The following BTNL8 variants were observed in gnomAD, a reference collection of about 807,000 sequenced individuals.
BTNL8 encodes butyrophilin-like protein 8.
Under a neutral mutation model 36.1 loss-of-function variants are expected in BTNL8, and 22 were observed. The ratio of observed to expected loss-of-function variants is 0.61; its 90% CI spans 0.44 to 0.87. The LOEUF (loss-of-function observed/expected upper bound fraction) is 0.87. Ranked by LOEUF, BTNL8 falls within the 40% of genes least tolerant of loss-of-function variation. The pLI, the probability that BTNL8 is intolerant of heterozygous loss-of-function variation, is 0.00. For synonymous variants in BTNL8, 203 were observed against 235.6 expected (o/e 0.86, Z 1.27); for missense variants, 526 against 616.9 (o/e 0.85, Z 1.56).
chr5:180,922,291 T>G (rs1757901574), intron 3 of BTNL8, among the ~76,000 whole-genome samples: 1 of 152,044 alleles, frequency 6.6e-6, no homozygotes, highest in East Asian at 1.9e-4. Flanking sequence ...AATAGGTTCT[T>G]AAATTGAGAT....
chr5:180,931,268 T>A (rs1758362364), intron 3 of BTNL8, among the ~76,000 whole-genome samples: 1 of 152,144 alleles, frequency 6.6e-6, no homozygotes, highest in Non-Finnish European at 1.5e-5. Flanking sequence ...CGTGGAAAAC[T>A]GAAACTGGAC....
chr5:180,947,381 T>C, intron 3 of BTNL8, 131 bp from the exon 4 acceptor site: 1 of 1,233,550 alleles, frequency 8.1e-7, no homozygotes, highest in Non-Finnish European at 1.1e-6. Context: ...ACAATCAAAG[T>C]ATTAAGCCTA....
intron 3 of BTNL8, among the ~76,000 whole-genome samples, chr5:180,921,035 G>T (rs890889299): frequency 1.3e-5 from 2 of 152,154 alleles, no homozygotes; most frequent in African/African-American, 2.4e-5. Context: ...ATAGAACTAT[G>T]CTACATAGTC....
At chr5:180,941,117 G>GAAGGAAGGAAGA (rs1491479453) in intron 3 of BTNL8, among the ~76,000 whole-genome samples, 1 of 85,732 alleles carries the variant, frequency 1.2e-5, no homozygotes, top group Non-Finnish European at 3.0e-5. Context: ...AGGGAGGAAG[G>GAAGGAAGGAAGA]AAGGAAGGAA....
intron 1 of BTNL8, 79 bp from the exon 2 acceptor site, chr5:180,908,507 G>A: frequency 7.2e-7 from 1 of 1,393,142 alleles, no homozygotes. Flanking sequence ...GACCGGAGCT[G>A]TTCCTATTCG....
intron 1 of BTNL8, among the ~76,000 whole-genome samples, chr5:180,907,830 C>CG (rs886228094): frequency 6.6e-6 from 1 of 150,980 alleles, no homozygotes; most frequent in Non-Finnish European, 1.5e-5. Flanking sequence ...TTAGGCTGCT[C>CG]GGGGGTCAGG....
intron 1 of BTNL8, among the ~76,000 whole-genome samples, chr5:180,908,054 G>T (rs113672894): frequency 4.6e-5 from 7 of 151,764 alleles, no homozygotes; most frequent in African/African-American, 1.7e-4. Flanking sequence ...CACCCAGTTG[G>T]AGCTGCTTTG....
chr5:180,914,163 G>T (rs965720759), intron 3 of BTNL8, among the ~76,000 whole-genome samples: 9 of 152,168 alleles, frequency 5.9e-5, no homozygotes, highest in African/African-American at 2.2e-4. Context: ...CTTTTTAGGA[G>T]GTGATTAAGT....
At chr5:180,920,606 A>G (rs887373691) in intron 3 of BTNL8, among the ~76,000 whole-genome samples, 28 of 152,120 alleles carry the variant, frequency 1.8e-4, no homozygotes, top group Non-Finnish European at 3.7e-4. Context: ...ATTACATCAA[A>G]CTAAAAAGCT....
At chr5:180,941,914 T>TTTTTTTTTTTTTTTTTTTTTTTTTTGAG (rs1281454934) in intron 3 of BTNL8, among the ~76,000 whole-genome samples, 20 of 150,964 alleles carry the variant, frequency 1.3e-4, no homozygotes, top group East Asian at 3.9e-4. Context: ...TTACTACTCT[T>TTTTTTTTTTTTTTTTTTTTTTTTTTGAG]ATTCAACAAA....
intron 3 of BTNL8, among the ~76,000 whole-genome samples, chr5:180,918,638 T>C (rs1367023587): frequency 2.6e-5 from 4 of 152,228 alleles, no homozygotes; most frequent in Non-Finnish European, 4.4e-5. Flanking sequence ...CCTGAGAACA[T>C]GTGCCCAAGG....
intron 3 of BTNL8, among the ~76,000 whole-genome samples, chr5:180,922,075 A>AT (rs567557306): frequency 5.2e-3 from 249 of 48,184 alleles, no homozygotes; most frequent in African/African-American, 0.038. Context: ...TTATTTGGAT[A>AT]TTTTTTTCTC....
intron 3 of BTNL8, among the ~76,000 whole-genome samples, chr5:180,944,755 C>T (rs1036456110): frequency 6.6e-6 from 1 of 152,072 alleles, no homozygotes; most frequent in African/African-American, 2.4e-5. Flanking sequence ...TATCAAAGCA[C>T]CATTTTGTAC....
chr5:180,940,231 C>G (rs183704841), intron 3 of BTNL8, among the ~76,000 whole-genome samples: 1 of 151,490 alleles, frequency 6.6e-6, no homozygotes, highest in African/African-American at 2.4e-5. Context: ...CCCAGCTACT[C>G]GGGAGGCTGA....
chr5:180,906,438 C>T (rs1426162409), intron 1 of BTNL8, among the ~76,000 whole-genome samples: 2 of 121,942 alleles, frequency 1.6e-5, no homozygotes, highest in African/African-American at 8.2e-5. Context: ...GATGGGTTTC[C>T]TGAATACAGC....
chr5:180,927,450 G>A (rs1005270509), intron 3 of BTNL8, among the ~76,000 whole-genome samples: 1 of 152,184 alleles, frequency 6.6e-6, no homozygotes, highest in Non-Finnish European at 1.5e-5. Context: ...CTCCTCACCA[G>A]CAAGGGAACA....
chr5:180,941,917 T>TTTTTTTTTTTTTTTTTTTTGAGA (rs1430901477), intron 3 of BTNL8, among the ~76,000 whole-genome samples: 12 of 151,244 alleles, frequency 7.9e-5, no homozygotes, highest in Non-Finnish European at 1.2e-4. Flanking sequence ...CTACTCTTAT[T>TTTTTTTTTTTTTTTTTTTTGAGA]CAACAAAGTA....
chr5:180,908,399 C>T (rs958124511), intron 1 of BTNL8, among the ~76,000 whole-genome samples, 187 bp from the exon 2 acceptor site: 3 of 152,180 alleles, frequency 2.0e-5, no homozygotes, highest in Non-Finnish European at 2.9e-5. Context: ...CACTGACCTG[C>T]GCCCACTGTC....
At chr5:180,911,927 G>T (rs984180720) in intron 3 of BTNL8, among the ~76,000 whole-genome samples, 13 of 152,160 alleles carry the variant, frequency 8.5e-5, no homozygotes, top group African/African-American at 3.1e-4. Context: ...TATTATTCAG[G>T]ATGCTTCTGT....
Sources: gnomAD v4.1 joint callset for allele counts (sites outside exome capture counted in the v4.1 genomes callset) on GRCh38, gnomAD v4.1.1 for gene constraint, MANE v1.5 for transcripts, NCBI Gene and HGNC (gene_info 2026-07-23, HGNC 2026-07-21) for gene names.